TSC22D3: variants seen among roughly 807,000 people sequenced by gnomAD.
TSC22D3 encodes TSC22 domain family protein 3.
TSC22D3 carries 4 observed loss-of-function variants against 11.1 expected under a neutral mutation model. The observed-to-expected ratio is 0.36, with a 90% CI of 0.18 to 0.83. TSC22D3 has a LOEUF of 0.83. TSC22D3 is among the 40% of genes least tolerant of loss of function. The pLI, the probability that TSC22D3 is intolerant of heterozygous loss-of-function variation, is 0.48. For synonymous variants in TSC22D3, 77 were observed against 70.3 expected, an observed-to-expected ratio of 1.10 and a Z score of -0.48; for missense variants, 118 against 159.4, an observed-to-expected ratio of 0.74 and a Z score of 1.40.
At chrX:107,743,671 G>T (rs930434529) in intron 1 of TSC22D3, among the ~76,000 whole-genome samples, 2 of 112,247 alleles carry the variant, frequency 1.8e-5, no homozygotes, top group African/African-American at 6.5e-5. Flanking sequence ...GGCCAGGTGG[G>T]CATCACATGT....
At position 107,716,727 on chromosome X, in the gene TSC22D3, G is replaced by A. The variant is rs201529187; in HGVS notation, c.321-777C>T. 9 of 1,205,958 alleles carry A rather than the reference G, an allele frequency of 7.5e-6. No homozygotes were observed. The East Asian group carries it at 8.9e-5, about 12-fold the overall frequency. On this transcript the variant is annotated intron_variant, in intron 1 of 2. Coordinates refer to ENST00000372383, the MANE Select transcript of TSC22D3 (RefSeq NM_198057.3). ...TTAACGGAAACCACATCCCCTCCAAGCAGAGAAGAGAAGAAGGAGATGGAG... is the reference window on the plus strand; with the variant it reads ...TTAACGGAAACCACATCCCCTCCAAACAGAGAAGAGAAGAAGGAGATGGAG...
In TSC22D3 at chrX:107,714,393, C is replaced by T. The variant is rs1484511086; in HGVS notation, c.*126G>A. On this transcript the variant is annotated 3_prime_UTR_variant, in exon 3 of 3. Coordinates refer to ENST00000372383, the MANE Select transcript of TSC22D3 (RefSeq NM_198057.3). ...AGGTGGCCATGTCCTTAGGACATCTCTTGGCACCAGCTGTGCTAGGTGTAA... is the reference window on the plus strand; with the variant it reads ...AGGTGGCCATGTCCTTAGGACATCTTTTGGCACCAGCTGTGCTAGGTGTAA... The T allele has an allele frequency of 2.3e-5, 14 of 615,828 alleles. No individual in the cohort carries two copies. Among genetic ancestry groups the T allele is most frequent in the Non-Finnish European group, 3.4e-5 (14 of 409,779 alleles). 50.8% of individuals were successfully genotyped at this position (615,828 alleles called of 1,213,427 possible).
intron 1 of TSC22D3, among the ~76,000 whole-genome samples, chrX:107,771,442 G>T (rs763727785): frequency 9.0e-6 from 1 of 111,439 alleles, no homozygotes; most frequent in African/African-American, 3.3e-5. Flanking sequence ...AAAATTAGCC[G>T]AGTGTGGTGG....
intron 1 of TSC22D3, among the ~76,000 whole-genome samples, chrX:107,773,055 A>G (rs890389860): frequency 9.0e-5 from 10 of 111,282 alleles, no homozygotes; most frequent in Non-Finnish European, 1.9e-4. Flanking sequence ...CTTTCCTACA[A>G]TTTGCGCTTC....
intron 1 of TSC22D3, among the ~76,000 whole-genome samples, chrX:107,733,599 C>G (rs1391344918): frequency 9.0e-6 from 1 of 111,189 alleles, no homozygotes; most frequent in Non-Finnish European, 1.9e-5. Flanking sequence ...CCTTCCTCCA[C>G]CAGCTGAGGA....
chrX:107,736,095 C>T (rs997473387), intron 1 of TSC22D3, among the ~76,000 whole-genome samples: 3 of 111,990 alleles, frequency 2.7e-5, no homozygotes, highest in Non-Finnish European at 5.6e-5. Flanking sequence ...GGCCTTGGCT[C>T]GCCAGCCACC....
intron 1 of TSC22D3, chrX:107,721,805 T>C: frequency 4.4e-6 from 2 of 457,551 alleles, no homozygotes; most frequent in South Asian, 7.0e-5. Flanking sequence ...CCCCACTTAC[T>C]CCTCCACTAC....
intron 1 of TSC22D3, among the ~76,000 whole-genome samples, chrX:107,758,681 C>T (rs1929287056): frequency 9.0e-6 from 1 of 111,599 alleles, no homozygotes; most frequent in African/African-American, 3.3e-5. Context: ...GAAAATCCCT[C>T]ACAATTCAAT....
intron 1 of TSC22D3, among the ~76,000 whole-genome samples, chrX:107,765,973 C>A (rs1269866362): frequency 1.8e-5 from 2 of 112,100 alleles, no homozygotes; most frequent in Non-Finnish European, 3.8e-5. Flanking sequence ...CCCACACCAC[C>A]TTTTTGACTT....
At chrX:107,716,545 T>TGGCCCCCCCCCC in intron 1 of TSC22D3, 1 of 796,126 alleles carries the variant, frequency 1.3e-6, no homozygotes, top group Non-Finnish European at 1.5e-6. Flanking sequence ...CCTTCCTGCG[T>TGGCCCCCCCCCC]CCCCTCCCCC....
chrX:107,760,293 T>A (rs1004734743), intron 1 of TSC22D3, among the ~76,000 whole-genome samples: 2 of 112,347 alleles, frequency 1.8e-5, no homozygotes, highest in Non-Finnish European at 3.8e-5. Flanking sequence ...AAATCAAATT[T>A]AAAAAAATCA....
At chrX:107,724,074 T>C (rs974118541) in intron 1 of TSC22D3, among the ~76,000 whole-genome samples, 1 of 112,882 alleles carries the variant, frequency 8.9e-6, no homozygotes, top group Admixed American at 9.3e-5. Context: ...TGAGCTCATT[T>C]GAGGTAGCTC....
intron 1 of TSC22D3, among the ~76,000 whole-genome samples, chrX:107,753,527 T>C (rs1305091313): frequency 9.0e-6 from 1 of 111,294 alleles, no homozygotes; most frequent in Non-Finnish European, 1.9e-5. Flanking sequence ...GATACAGCCA[T>C]CAGGTTATAG....
chrX:107,729,017 GC>G (rs1435600173), intron 1 of TSC22D3, among the ~76,000 whole-genome samples: 1 of 112,124 alleles, frequency 8.9e-6, no homozygotes, highest in Non-Finnish European at 1.9e-5. Context: ...AAACCAAACT[GC>G]CTCTGAGTGG....
At chrX:107,753,016 T>C (rs1185309725) in intron 1 of TSC22D3, among the ~76,000 whole-genome samples, 2 of 111,833 alleles carry the variant, frequency 1.8e-5, no homozygotes, top group Non-Finnish European at 3.8e-5. Flanking sequence ...TGCCACTAGC[T>C]TCAGCCATGG....
At chrX:107,731,718 G>A (rs1033723393) in intron 1 of TSC22D3, among the ~76,000 whole-genome samples, 1 of 111,480 alleles carries the variant, frequency 9.0e-6, no homozygotes, top group African/African-American at 3.3e-5. Flanking sequence ...CAAGAGCTGG[G>A]TGAGGTCTTC....
chrX:107,745,744 T>A (rs1235239074), intron 1 of TSC22D3, among the ~76,000 whole-genome samples: 3 of 112,344 alleles, frequency 2.7e-5, no homozygotes, highest in Non-Finnish European at 5.6e-5. Context: ...TTAATTAGGG[T>A]CATGTTTGCA....
At chrX:107,734,221 G>A (rs1318413626) in intron 1 of TSC22D3, among the ~76,000 whole-genome samples, 1 of 112,202 alleles carries the variant, frequency 8.9e-6, no homozygotes, top group Non-Finnish European at 1.9e-5. Flanking sequence ...TTTGACCTAG[G>A]GGCTGGAAAA....
rs754778324 is a variant in TSC22D3, at chrX:107,775,432, G to T, written c.-13C>A. 8.6e-7 allele frequency: 1 copy of T among 1,156,808 alleles called. No individual in the cohort carries two copies. The highest frequency in any genetic ancestry group is 2.0e-5 in the South Asian group (1 of 50,856). On this transcript the variant is annotated 5_prime_UTR_variant, in exon 1 of 3. Transcript: ENST00000372383. ...TGGACTGGGCCATCTTCTCAGGCTC[G>T]GAGGTCGCCTGGCCTGCGAGGTCAG...
Sources: gnomAD v4.1 joint callset for allele counts (sites outside exome capture counted in the v4.1 genomes callset) on GRCh38, gnomAD v4.1.1 for gene constraint, MANE v1.5 for transcripts, NCBI Gene and HGNC (gene_info 2026-07-23, HGNC 2026-07-21) for gene names.